DCHS2: variants seen among roughly 807,000 people sequenced by gnomAD.
The protein encoded by DCHS2 is dachsous cadherin-related 2.
In DCHS2, 142 loss-of-function variants were observed where a neutral mutation model predicts 182.4. The ratio of observed to expected loss-of-function variants is 0.78; its 90% confidence interval spans 0.68 to 0.89. DCHS2 has a LOEUF of 0.89. Among genes scored for constraint, DCHS2 ranks in the 40% least tolerant of loss-of-function variants. DCHS2 has a pLI of 0.00. For missense variants in DCHS2, 4,319 were observed against 4,198.6 expected, an observed-to-expected ratio of 1.03 and a Z score of -0.79; for synonymous variants, 1,740 against 1,663.3, an observed-to-expected ratio of 1.05 and a Z score of -1.12.
chr4:154,345,479 G>A (rs558789675), intron 3 of DCHS2, among the ~76,000 whole-genome samples: 1 of 152,322 alleles, frequency 6.6e-6, no homozygotes, highest in South Asian at 2.1e-4. Context: ...TTTGACCAAC[G>A]TCACCTTGTT....
intron 19 of DCHS2, 104 bp from the exon 20 acceptor site, chr4:154,237,263 T>TTGTTAGATC (rs1439378189): frequency 7.1e-7 from 1 of 1,401,524 alleles, no homozygotes; most frequent in Admixed American, 2.9e-5. Flanking sequence ...GTTTAATTCT[T>TTGTTAGATC]TGTTAGATCT....
intron 1 of DCHS2, among the ~76,000 whole-genome samples, chr4:154,396,138 G>C (rs1468740148): frequency 6.6e-6 from 1 of 152,018 alleles, no homozygotes; most frequent in Non-Finnish European, 1.5e-5. Flanking sequence ...AAGAAGATTT[G>C]AACTCTTTCT....
intron 1 of DCHS2, among the ~76,000 whole-genome samples, chr4:154,388,786 G>A (rs1026132337): frequency 2.0e-5 from 3 of 152,000 alleles, no homozygotes; most frequent in Non-Finnish European, 2.9e-5. Flanking sequence ...AAGCCACTGC[G>A]CCCGGCCAAA....
chr4:154,444,048 T>C (rs1308983170), intron 1 of DCHS2, among the ~76,000 whole-genome samples: 2 of 152,174 alleles, frequency 1.3e-5, no homozygotes, highest in Non-Finnish European at 2.9e-5. Context: ...CTGCTTTTTC[T>C]CAGCCTCCTT....
rs141221497 is a variant in DCHS2, at chr4:154,236,825, A to C, written c.7827T>G (p.Tyr2609Ter). The C allele has an allele frequency of 6.2e-7, 1 of 1,614,064 alleles. No homozygotes were observed. Among genetic ancestry groups the C allele is most frequent in the Non-Finnish European group, 8.5e-7 (1 of 1,179,970 alleles). The change falls in exon 20 of 20, where the codon TAT becomes TAG. Residue 2609 changes from tyrosine (Y) to a stop codon, truncating the protein, a stop_gained. Transcript: ENST00000357232. LOFTEE classifies it low-confidence loss of function (END_TRUNC). ...HVETKFFHSE[Y>*]PYKQVGYLVL... ...CAAGATAACCGACTTGCTTATAAGG[A>C]TATTCTGAATGAAAGAACTTAGTTT...
chr4:154,304,171 A>G (rs1206902824), intron 12 of DCHS2, among the ~76,000 whole-genome samples: 1 of 151,914 alleles, frequency 6.6e-6, no homozygotes, highest in Non-Finnish European at 1.5e-5. Context: ...GAAATGACCC[A>G]GTAAGAATCT....
chr4:154,426,656 A>C (rs961320789), intron 1 of DCHS2, among the ~76,000 whole-genome samples: 1 of 152,148 alleles, frequency 6.6e-6, no homozygotes, highest in Non-Finnish European at 1.5e-5. Context: ...ATAACTGGTC[A>C]GGTGCGATGG....
rs749143227 is a variant in DCHS2 at position 154,237,121 on chromosome 4, T to C, written c.7531A>G (p.Thr2511Ala). 58 of 1,613,214 alleles carry C rather than the reference T, an allele frequency of 3.6e-5. No individual in the cohort carries two copies. Among genetic ancestry groups the C allele is most frequent in the Non-Finnish European group, 4.7e-5 (56 of 1,179,804 alleles). Reference sequence around the variant, plus strand: ...ACAAGAAATTGAGTTGTTGATATTGTATCCAGAAGTAATACGGGACTGATA... The same window carrying C: ...ACAAGAAATTGAGTTGTTGATATTGCATCCAGAAGTAATACGGGACTGATA... ...FTISPVLLLDTISTTQFLVEA... is the reference protein window; with the variant it reads ...FTISPVLLLDAISTTQFLVEA... Residue 2511 changes from threonine to alanine, a missense_variant, in exon 20 of 20, where the codon ACA (threonine) becomes GCA (alanine). By Grantham distance (58) the Thr-to-Ala change is moderately conservative (BLOSUM62 0). Transcript: ENST00000357232.
Position 154,333,037 on chromosome 4 carries a change from G to A in DCHS2, c.3171C>T (p.Asp1057=). ...GGGCTGCCTGAGGATGCACGCCTTGGTCCTCGGCCCTGAGAGTCAGCGTGA... is the reference window on the plus strand; with the variant it reads ...GGGCTGCCTGAGGATGCACGCCTTGATCCTCGGCCCTGAGAGTCAGCGTGA... The part of the protein sequence containing the change: ...RELTLTLRAE[D]QGVHPQAALL... The change falls in exon 5 of 20, where the codon GAC becomes GAT. Residue 1057 remains aspartate, a synonymous_variant. Transcript: ENST00000357232. The A allele has an allele frequency of 2.5e-6, 4 of 1,614,018 alleles. No individual in the cohort carries two copies. The highest frequency in any genetic ancestry group is 3.3e-5 in the Admixed American group (2 of 60,010).
In DCHS2 at chr4:154,490,459, G is replaced by C. The variant is rs777829175; in HGVS notation, c.897C>G (p.Asp299Glu). Residue 299 changes from aspartate (D) to glutamate (E), a missense_variant, in exon 1 of 20, where the codon GAC becomes GAG. Coordinates refer to ENST00000357232, the MANE Select transcript of DCHS2 (RefSeq NM_001358235.2). The stretch of plus-strand genomic sequence containing the variant: ...CCTCGCGCACCGCGGCGCGGTACTC[G>C]TCCTGCTCAAAGACCGGCGGGTTGT... Reference protein sequence around the residue: ...ENDNPPVFEQDEYRAAVREDA... With the variant: ...ENDNPPVFEQEEYRAAVREDA... The C allele has an allele frequency of 1.4e-5, 21 of 1,536,572 alleles. No individual in the cohort carries two copies. The highest frequency in any genetic ancestry group is 2.0e-5 in the Admixed American group (1 of 50,944).
At chr4:154,289,947 A>G (rs1734575194) in intron 13 of DCHS2, among the ~76,000 whole-genome samples, 1 of 151,854 alleles carries the variant, frequency 6.6e-6, no homozygotes, top group Non-Finnish European at 1.5e-5. Flanking sequence ...AAACAGAGCA[A>G]TCAGACAAGA....
chr4:154,281,323 T>C (rs1403824382), intron 13 of DCHS2, among the ~76,000 whole-genome samples: 1 of 152,064 alleles, frequency 6.6e-6, no homozygotes, highest in Non-Finnish European at 1.5e-5. Flanking sequence ...ATAAACAAAT[T>C]CAGCAAAGTT....
At chr4:154,412,515 C>T (rs1433988184) in intron 1 of DCHS2, among the ~76,000 whole-genome samples, 3 of 152,052 alleles carry the variant, frequency 2.0e-5, no homozygotes, top group African/African-American at 7.2e-5. Context: ...GGTCCCTCAC[C>T]GAGAAAATGT....
intron 1 of DCHS2, among the ~76,000 whole-genome samples, chr4:154,441,463 A>G (rs534955478): frequency 2.5e-4 from 38 of 152,202 alleles, no homozygotes; most frequent in Non-Finnish European, 4.7e-4. Flanking sequence ...TATGCAAAAT[A>G]TTTGTCATAA....
chr4:154,447,015 T>G (rs1734327297), intron 1 of DCHS2, among the ~76,000 whole-genome samples: 1 of 151,980 alleles, frequency 6.6e-6, no homozygotes, highest in African/African-American at 2.4e-5. Flanking sequence ...ATCTGGGCCA[T>G]GCACAGTGGC....
At chr4:154,276,878 C>T (rs192184152) in intron 13 of DCHS2, among the ~76,000 whole-genome samples, 102 of 152,242 alleles carry the variant, frequency 6.7e-4, no homozygotes, top group African/African-American at 2.3e-3. Flanking sequence ...TGGACATTCC[C>T]CTAAGCTAGC....
chr4:154,387,685 A>G (rs1731482199), intron 1 of DCHS2, among the ~76,000 whole-genome samples: 1 of 152,190 alleles, frequency 6.6e-6, no homozygotes, highest in Non-Finnish European at 1.5e-5. Flanking sequence ...GAAAAAGTCA[A>G]TAAATTGACT....
In DCHS2 at chr4:154,322,457, G is replaced by A. The variant is rs763690939; in HGVS notation, c.4050C>T (p.Ala1350=). 5.0e-6 allele frequency: 8 copies of A among 1,613,070 alleles called. No individual in the cohort carries two copies. The East Asian group carries it at 1.3e-4, about 27-fold the overall frequency. ...TGGTTGTTCTTATTTCACCATTGTT[G>A]GCGTCAATCTTAAAGTGATCAGAAC... ...EDSSDHFKID[A]NNGEIRTTTI... is the part of the protein sequence containing the mutation. Residue 1350 remains alanine (A), a synonymous_variant, in exon 8 of 20, where the codon GCC becomes GCT. Coordinates refer to ENST00000357232, the MANE Select transcript of DCHS2 (RefSeq NM_001358235.2).
intron 3 of DCHS2, among the ~76,000 whole-genome samples, chr4:154,341,134 C>G (rs1240875948): frequency 2.6e-5 from 4 of 151,964 alleles, no homozygotes; most frequent in African/African-American, 4.8e-5. Context: ...TCTGGGAGGC[C>G]GAGGCGGGTG....
Sources: gnomAD v4.1 joint callset for allele counts (sites outside exome capture counted in the v4.1 genomes callset) on GRCh38, gnomAD v4.1.1 for gene constraint, MANE v1.5 for transcripts, NCBI Gene and HGNC (gene_info 2026-07-23, HGNC 2026-07-21) for gene names.